TXK: variants seen among roughly 807,000 people sequenced by gnomAD.
TXK encodes the protein TXK tyrosine kinase.
TXK carries 60 observed loss-of-function variants against 81.0 expected under a neutral mutation model. The observed-to-expected ratio is 0.74, with a 90% CI of 0.60 to 0.92. TXK has a LOEUF of 0.92. Among genes scored for constraint, TXK ranks in the 40% least tolerant of loss-of-function variants. The probability of loss-of-function intolerance (pLI) is 0.00; values close to 1 mark genes in which losing one functional copy is unlikely to be tolerated. For missense variants in TXK, 581 were observed against 638.3 expected, an observed-to-expected ratio of 0.91 and a Z score of 0.97; for synonymous variants, 203 against 210.7, an observed-to-expected ratio of 0.96 and a Z score of 0.32.
At chr4:48,090,687 G>C (rs931321472) in intron 8 of TXK, among the ~76,000 whole-genome samples, 9 of 152,200 alleles carry the variant, frequency 5.9e-5, no homozygotes, top group Non-Finnish European at 1.2e-4. Context: ...CAAGACTGAT[G>C]ATTCGGTCTT....
rs190691703 is a variant in TXK at position 48,112,505 on chromosome 4, G to A, written c.182C>T (p.Thr61Met). The change falls in exon 4 of 15, where the codon ACG (threonine) becomes ATG (methionine). Residue 61 changes from threonine (T) to methionine (M), a missense_variant. Thr to Met is a moderately conservative substitution (Grantham distance 81, BLOSUM62 -1). Coordinates refer to ENST00000264316, the MANE Select transcript of TXK (RefSeq NM_003328.3). Reference sequence around the variant, plus strand: ...TCGTTTTGACGGCTGCACACGGCCCGTGTTGGACTGTGAAAACCAATAAGT... The same window carrying A: ...TCGTTTTGACGGCTGCACACGGCCCATGTTGGACTGTGAAAACCAATAAGT... Reference protein sequence around the residue: ...SQLSNKKQSNTGRVQPSKRKP... With the variant: ...SQLSNKKQSNMGRVQPSKRKP... The A allele has an allele frequency of 8.1e-6, 13 of 1,609,324 alleles. No homozygotes were observed. Among genetic ancestry groups the A allele is most frequent in the South Asian group, 6.6e-5 (6 of 90,562 alleles).
At chr4:48,080,662 T>TCACA (rs57819050) in intron 10 of TXK, among the ~76,000 whole-genome samples, 20,971 of 144,130 alleles carry the variant, frequency 0.15, 1,636 homozygotes, top group East Asian at 0.27. Flanking sequence ...TATTTGGTAA[T>TCACA]CACACACACA....
intron 12 of TXK, among the ~76,000 whole-genome samples, chr4:48,075,582 C>T (rs903788305): frequency 1.6e-4 from 25 of 151,826 alleles, no homozygotes; most frequent in Non-Finnish European, 1.5e-5. Context: ...CCTGGGAGGT[C>T]GAGGCTGCAG....
chr4:48,084,884 G>A (rs113055777), intron 10 of TXK, among the ~76,000 whole-genome samples: 308 of 142,632 alleles, frequency 2.2e-3, no homozygotes, highest in African/African-American at 9.1e-3. Context: ...CCAGTTAATC[G>A]AGAATGGGTC....
intron 10 of TXK, among the ~76,000 whole-genome samples, chr4:48,083,325 A>G (rs1485817193): frequency 6.6e-6 from 1 of 152,260 alleles, no homozygotes; most frequent in Non-Finnish European, 1.5e-5. Flanking sequence ...AGTGGGGGCC[A>G]GAAAACTTTC....
intron 1 of TXK, among the ~76,000 whole-genome samples, chr4:48,122,542 C>T (rs536014482): frequency 6.6e-6 from 1 of 152,080 alleles, no homozygotes; most frequent in African/African-American, 2.4e-5. Context: ...TATTTCTCAC[C>T]TTCTAACATG....
chr4:48,074,821 C>G, intron 12 of TXK, among the ~76,000 whole-genome samples: 1 of 152,040 alleles, frequency 6.6e-6, no homozygotes, highest in East Asian at 1.9e-4. Flanking sequence ...CTCCACCTGT[C>G]AGCACTTTAT....
At chr4:48,117,926 C>T (rs1037734436) in intron 1 of TXK, among the ~76,000 whole-genome samples, 5 of 152,164 alleles carry the variant, frequency 3.3e-5, no homozygotes, top group African/African-American at 1.2e-4. Context: ...GAACAAGCAC[C>T]AGTGAGACTA....
intron 12 of TXK, among the ~76,000 whole-genome samples, chr4:48,076,120 C>A (rs571017846): frequency 1.6e-4 from 24 of 152,174 alleles, no homozygotes; most frequent in Middle Eastern, 3.4e-3. Flanking sequence ...TTTTTCTTCA[C>A]GTTTCTCAGT....
Position 48,128,690 on chromosome 4 carries a change from G to A in TXK, c.16+5465C>T, listed in dbSNP as rs192997763. 6.2e-4 allele frequency among the ~76,000 whole-genome samples: 90 copies of A among 146,230 alleles called. No individual in the cohort carries two copies. In the East Asian group the frequency reaches 9.0e-3, roughly 15 times the overall value. On this transcript the variant is annotated intron_variant, in intron 1 of 14. Coordinates refer to ENST00000264316, the MANE Select transcript of TXK (RefSeq NM_003328.3). Reference sequence around the variant, plus strand: ...CGCCATTCTCCTGCCTCAGCCTCCCGAGTAGCTGGGACTACAGGTGTCTGC... The same window carrying A: ...CGCCATTCTCCTGCCTCAGCCTCCCAAGTAGCTGGGACTACAGGTGTCTGC...
rs763374869 is a variant in TXK, at chr4:48,095,133, A to C, written c.581+10T>G. 3 of 1,603,454 alleles carry C rather than the reference A, an allele frequency of 1.9e-6. No homozygotes were observed. In the Admixed American group the frequency reaches 5.0e-5, roughly 27 times the overall value. The stretch of plus-strand genomic sequence containing the variant: ...TTATTTCTATAGTAACCAAAATCAC[A>C]AGTGCTTACCTTCTAGCTCCCATAA... On this transcript the variant is annotated intron_variant, in intron 7 of 14. Coordinates refer to ENST00000264316, the MANE Select transcript of TXK (RefSeq NM_003328.3).
In TXK at chr4:48,112,402, G is replaced by T. The variant is rs757949817; in HGVS notation, c.285C>A (p.Pro95=). ...TTAAGGCTAAATTACAGGGTTCTCT[G>T]GGCAGAAAATCATAAAGTGCCTTGA... ...IQVKALYDFL[P]REPCNLALRR... Residue 95 remains proline, a synonymous_variant, in exon 4 of 15, where the codon CCC becomes CCA. Transcript: ENST00000264316. 2 of 1,614,122 alleles carry T rather than the reference G, an allele frequency of 1.2e-6. No individual in the cohort carries two copies. The highest frequency in any genetic ancestry group is 2.2e-5 in the East Asian group (1 of 44,884).
At chr4:48,104,687 A>G (rs1341151293) in intron 6 of TXK, among the ~76,000 whole-genome samples, 2 of 139,532 alleles carry the variant, frequency 1.4e-5, no homozygotes, top group African/African-American at 2.7e-5. Context: ...GCCTTTCAGG[A>G]GAAACGTATT....
chr4:48,110,629 C>CA (rs1560358123), intron 4 of TXK, 26 bp from the exon 5 acceptor site: 1 of 1,582,564 alleles, frequency 6.3e-7, no homozygotes, highest in African/African-American at 1.3e-5. Flanking sequence ...AAGCAAAAAT[C>CA]AAAATGCTTG....
intron 2 of TXK, 54 bp downstream of exon 2, chr4:48,114,294 T>C (rs2109474680): frequency 1.3e-6 from 2 of 1,575,982 alleles, no homozygotes; most frequent in African/African-American, 2.7e-5. Context: ...CCACAGGTAA[T>C]AAAGAAACGG....
At chr4:48,096,526 C>G (rs1432576130) in intron 6 of TXK, among the ~76,000 whole-genome samples, 1 of 152,104 alleles carries the variant, frequency 6.6e-6, no homozygotes, top group Non-Finnish European at 1.5e-5. Flanking sequence ...CTCTTTCTTT[C>G]TTTTATTTTT....
intron 1 of TXK, chr4:48,114,670 T>A (rs773182809): frequency 6.2e-5 from 27 of 432,004 alleles, no homozygotes; most frequent in Non-Finnish European, 1.0e-4. Flanking sequence ...ACCAGTGTAT[T>A]CTCTTTTACC....
chr4:48,111,114 G>T (rs1446405734), intron 4 of TXK, among the ~76,000 whole-genome samples: 1 of 152,164 alleles, frequency 6.6e-6, no homozygotes, highest in Non-Finnish European at 1.5e-5. Context: ...ACATCTTTCA[G>T]GATATGCAAC....
intron 6 of TXK, among the ~76,000 whole-genome samples, chr4:48,102,850 T>C (rs1718252252): frequency 6.6e-6 from 1 of 152,188 alleles, no homozygotes; most frequent in African/African-American, 2.4e-5. Context: ...AAAATCAACA[T>C]ACATATGATC....
Sources: gnomAD v4.1 joint callset for allele counts (sites outside exome capture counted in the v4.1 genomes callset) on GRCh38, gnomAD v4.1.1 for gene constraint, MANE v1.5 for transcripts, NCBI Gene and HGNC (gene_info 2026-07-23, HGNC 2026-07-21) for gene names.